ANKFN1: variants seen among roughly 807,000 people sequenced by gnomAD.
ANKFN1 encodes ankyrin repeat and fibronectin type-III domain-containing protein 1.
In ANKFN1, 74 loss-of-function variants were observed where a neutral mutation model predicts 108.7. That is an observed-to-expected ratio of 0.68 (90% CI 0.56 to 0.83). The LOEUF (loss-of-function observed/expected upper bound fraction) is 0.83, where lower values mean the gene tolerates loss of function less well. Ranked by LOEUF, ANKFN1 falls within the 40% of genes least tolerant of loss-of-function variation. ANKFN1 has a pLI of 0.00. For missense variants in ANKFN1, 1,505 were observed against 1,382.3 expected (o/e 1.09, Z -1.41); for synonymous variants, 547 against 516.2 (o/e 1.06, Z -0.81).
In ANKFN1 at chr17:56,326,365, AT is replaced by A. The variant is rs1555629861; in HGVS notation, c.188+13del. On this transcript the variant is annotated intron_variant, in intron 4 of 20. Coordinates refer to ENST00000682825, the MANE Select transcript of ANKFN1 (RefSeq NM_001370326.1). ...CGAACAGCATAAACTGGTAAGTCAA[AT>A]TTACTGTTGTCTTTCTTCATGTGAA... The A allele has an allele frequency of 1.2e-6, 2 of 1,604,806 alleles. No homozygotes were observed. The highest frequency in any genetic ancestry group is 1.7e-6 in the Non-Finnish European group (2 of 1,177,058).
intron 4 of ANKFN1, among the ~76,000 whole-genome samples, chr17:56,074,484 G>C (rs972869763): frequency 1.3e-5 from 2 of 152,194 alleles, no homozygotes; most frequent in Non-Finnish European, 2.9e-5. Context: ...GTTTGAGTTG[G>C]AGAGAGTAAT....
chr17:56,122,914 T>C (rs1906709158), intron 4 of ANKFN1, among the ~76,000 whole-genome samples: 1 of 152,222 alleles, frequency 6.6e-6, no homozygotes, highest in African/African-American at 2.4e-5. Flanking sequence ...ACCAGAACTC[T>C]GTTCCAAGTC....
At chr17:56,464,663 A>T (rs2050018366) in intron 14 of ANKFN1, among the ~76,000 whole-genome samples, 1 of 152,154 alleles carries the variant, frequency 6.6e-6, no homozygotes, top group Admixed American at 6.5e-5. Flanking sequence ...TTCCAATTAG[A>T]GCAGTAAAGA....
chr17:56,052,096 G>C (rs965787117), intron 4 of ANKFN1, among the ~76,000 whole-genome samples: 1 of 151,618 alleles, frequency 6.6e-6, no homozygotes, highest in Non-Finnish European at 1.5e-5. Context: ...AACCAAAAAA[G>C]AGCCCGCATT....
intron 8 of ANKFN1, among the ~76,000 whole-genome samples, chr17:56,437,479 A>G (rs2048966159): frequency 6.6e-6 from 1 of 152,166 alleles, no homozygotes. Flanking sequence ...GCAATTAATC[A>G]TGTCTGTTTC....
intron 3 of ANKFN1, among the ~76,000 whole-genome samples, chr17:56,249,045 C>T (rs1168255949): frequency 6.6e-6 from 1 of 152,152 alleles, no homozygotes; most frequent in African/African-American, 2.4e-5. Flanking sequence ...TCCAGGTCAC[C>T]TACAGTTTGG....
intron 3 of ANKFN1, among the ~76,000 whole-genome samples, chr17:56,261,537 G>A (rs1482985037): frequency 6.6e-6 from 1 of 151,828 alleles, no homozygotes; most frequent in Non-Finnish European, 1.5e-5. Context: ...GAGCAAGGAA[G>A]CCAGTCCAAG....
intron 3 of ANKFN1, among the ~76,000 whole-genome samples, chr17:56,291,112 A>G (rs1171674388): frequency 1.3e-5 from 2 of 152,188 alleles, no homozygotes; most frequent in African/African-American, 2.4e-5. Flanking sequence ...CTGACAAATG[A>G]TCAGAATAGA....
At chr17:56,242,583 A>G (rs181811808) in intron 3 of ANKFN1, among the ~76,000 whole-genome samples, 112 of 152,246 alleles carry the variant, frequency 7.4e-4, no homozygotes, top group African/African-American at 2.6e-3. Context: ...TAGATTATTC[A>G]AAGATTGTCT....
At chr17:56,274,568 T>G (rs550258182) in intron 3 of ANKFN1, among the ~76,000 whole-genome samples, 16 of 152,282 alleles carry the variant, frequency 1.1e-4, no homozygotes, top group South Asian at 4.2e-4. Context: ...CTTATTTGAC[T>G]TCTCCAAGAT....
At chr17:56,348,606 A>T (rs575735860) in intron 4 of ANKFN1, among the ~76,000 whole-genome samples, 7 of 152,196 alleles carry the variant, frequency 4.6e-5, no homozygotes, top group Non-Finnish European at 1.0e-4. Context: ...ACATGAACAG[A>T]CACTTCTCAA....
intron 6 of ANKFN1, among the ~76,000 whole-genome samples, chr17:56,357,220 T>A (rs1449643419): frequency 6.6e-6 from 1 of 152,206 alleles, no homozygotes; most frequent in Non-Finnish European, 1.5e-5. Flanking sequence ...GACTTACATG[T>A]GTAAAAATGG....
chr17:56,095,252 A>G (rs1223986455), intron 4 of ANKFN1, among the ~76,000 whole-genome samples: 1 of 150,866 alleles, frequency 6.6e-6, no homozygotes, highest in Non-Finnish European at 1.5e-5. Context: ...CATCAGGATA[A>G]GTTCAGAGGA....
At chr17:56,202,858 A>G (rs1308720002) in intron 1 of ANKFN1, among the ~76,000 whole-genome samples, 1 of 152,258 alleles carries the variant, frequency 6.6e-6, no homozygotes, top group Admixed American at 6.5e-5. Context: ...AACTGTAAAA[A>G]GTAAAAAATC....
chr17:56,052,740 C>T (rs1375930096), intron 4 of ANKFN1, among the ~76,000 whole-genome samples: 1 of 152,106 alleles, frequency 6.6e-6, no homozygotes, highest in East Asian at 1.9e-4. Context: ...TCTCAACAAC[C>T]CTATGTGGTG....
chr17:56,355,706 G>A (rs969785422), intron 6 of ANKFN1, among the ~76,000 whole-genome samples: 2 of 152,180 alleles, frequency 1.3e-5, no homozygotes, highest in Non-Finnish European at 2.9e-5. Context: ...TAGTGGTGCA[G>A]GAGACAGACT....
chr17:56,213,449 G>A (rs1915186313), intron 2 of ANKFN1, among the ~76,000 whole-genome samples: 2 of 152,092 alleles, frequency 1.3e-5, no homozygotes, highest in Admixed American at 1.3e-4. Flanking sequence ...AAAGTAAAAG[G>A]GTGAAGAGAG....
Position 56,268,614 on chromosome 17 carries a change from C to T in ANKFN1, c.53+40657C>T, listed in dbSNP as rs571336260. ...GTGGAATGAAACTGAGATGCAAAAACCCATACAAAAGACTAACAAAATCAA... is the reference window on the plus strand; with the variant it reads ...GTGGAATGAAACTGAGATGCAAAAATCCATACAAAAGACTAACAAAATCAA... On this transcript the variant is annotated intron_variant, in intron 3 of 20. Transcript: ENST00000682825. Among the ~76,000 whole-genome samples, 3 of 152,096 alleles carry T rather than the reference C, an allele frequency of 2.0e-5. No individual in the cohort carries two copies. The South Asian group carries it at 6.2e-4, about 32-fold the overall frequency.
rs116397997 is a variant in ANKFN1 at position 56,097,527 on chromosome 17, T to C, written c.288+51202T>C. Among the ~76,000 whole-genome samples, 1,227 of 152,340 alleles carry C rather than the reference T, an allele frequency of 8.1e-3. 21 individuals are homozygous for C. The highest frequency in any genetic ancestry group is 0.027 in the African/African-American group (1,133 of 41,574). On this transcript the variant is annotated intron_variant, in intron 4 of 12. Coordinates refer to the ANKFN1 transcript ENST00000635860. ...TCAAACTCCAGGCCCACTGAAAGTT[T>C]GTTCTAGGCTTATCTGCACATCTTC...
Sources: allele counts gnomAD v4.1 joint callset (sites outside exome capture counted in the v4.1 genomes callset), GRCh38; gene constraint gnomAD v4.1.1; transcripts MANE v1.5; gene names NCBI Gene and HGNC (gene_info 2026-07-23, HGNC 2026-07-21).